NFASC: variants seen among roughly 807,000 people sequenced by gnomAD.
NFASC encodes neurofascin homolog.
A neutral mutation model predicts 147.5 loss-of-function variants in NFASC; 43 were observed. The observed-to-expected ratio is 0.29, with a 90% CI of 0.23 to 0.38. The LOEUF (loss-of-function observed/expected upper bound fraction) is 0.38, where lower values mean the gene tolerates loss of function less well. Among genes scored for constraint, NFASC ranks in the 10% least tolerant of loss-of-function variants. The pLI is 1.00. For synonymous variants in NFASC, 622 were observed against 665.5 expected, an observed-to-expected ratio of 0.93 and a Z score of 1.01; for missense variants, 1,320 against 1,689.0, an observed-to-expected ratio of 0.78 and a Z score of 3.83.
intron 1 of NFASC, among the ~76,000 whole-genome samples, chr1:204,916,950 C>T (rs1222681145): frequency 6.6e-6 from 1 of 152,142 alleles, no homozygotes; most frequent in Non-Finnish European, 1.5e-5. Flanking sequence ...GGCACGGTGG[C>T]ACATGCCTAT....
chr1:204,906,779 C>T (rs55891541), intron 1 of NFASC, among the ~76,000 whole-genome samples: 25,451 of 137,688 alleles, frequency 0.18, 2,360 homozygotes, highest in East Asian at 0.34. Flanking sequence ...GCCTCCCGGG[C>T]TCATGCCATT....
At position 204,997,300 on chromosome 1, in the gene NFASC, C is replaced by T. The variant is rs2802808; in HGVS notation, c.2913C>T (p.Ile971=). ...TCCCAACTGTCGCACCTACCACCATCGCCACCACCACCACCGTCGCCACAA... is the reference window on the plus strand; with the variant it reads ...TCCCAACTGTCGCACCTACCACCATTGCCACCACCACCACCGTCGCCACAA... The part of the protein sequence containing the change: ...PIIPTVAPTT[I]ATTTTVATTT... The change falls in exon 25 of 30, where the codon ATC becomes ATT. Residue 971 remains isoleucine, a synonymous_variant. Coordinates refer to ENST00000339876, the MANE Select transcript of NFASC (RefSeq NM_001005388.3). 2.8e-5 allele frequency: 45 copies of T among 1,602,514 alleles called. No homozygotes were observed. Among genetic ancestry groups the T allele is most frequent in the Middle Eastern group, 3.3e-4 (2 of 6,074 alleles).
intron 1 of NFASC, among the ~76,000 whole-genome samples, chr1:204,882,907 C>T (rs750678019): frequency 9.9e-5 from 15 of 152,138 alleles, no homozygotes; most frequent in African/African-American, 1.4e-4. Context: ...TATAGACGCC[C>T]GGGGTTCTCA....
intron 1 of NFASC, among the ~76,000 whole-genome samples, chr1:204,846,057 T>C (rs1275865372): frequency 6.6e-6 from 1 of 151,292 alleles, no homozygotes; most frequent in Admixed American, 6.6e-5. Context: ...TGACTTCTGA[T>C]TTAAAAATGG....
At chr1:204,875,482 G>A (rs1292853192) in intron 1 of NFASC, among the ~76,000 whole-genome samples, 1 of 152,200 alleles carries the variant, frequency 6.6e-6, no homozygotes, top group Non-Finnish European at 1.5e-5. Flanking sequence ...AGGGAATCTG[G>A]AGGTGCCTGA....
intron 2 of NFASC, among the ~76,000 whole-genome samples, chr1:204,929,103 T>TC (rs1158337323): frequency 6.6e-6 from 1 of 151,878 alleles, no homozygotes; most frequent in Non-Finnish European, 1.5e-5. Context: ...AAACCAGGTG[T>TC]CCCCCTCCAC....
chr1:204,927,905 G>C (rs1161001893), intron 2 of NFASC, among the ~76,000 whole-genome samples: 3 of 152,230 alleles, frequency 2.0e-5, no homozygotes, highest in Non-Finnish European at 1.5e-5. Context: ...GAGGGGAGCA[G>C]ACAGGGAGCC....
chr1:204,916,308 C>T (rs1031697591), intron 1 of NFASC, among the ~76,000 whole-genome samples: 1 of 152,204 alleles, frequency 6.6e-6, no homozygotes, highest in African/African-American at 2.4e-5. Flanking sequence ...CAGTCTATTT[C>T]CTGGATTCTA....
At chr1:204,890,345 A>G (rs2082132460) in intron 1 of NFASC, among the ~76,000 whole-genome samples, 1 of 152,196 alleles carries the variant, frequency 6.6e-6, no homozygotes, top group Non-Finnish European at 1.5e-5. Context: ...AGGGATCCAG[A>G]CGGCACTATG....
At chr1:204,944,471 G>T in intron 3 of NFASC, 65 bp downstream of exon 3, 7 of 881,750 alleles carry the variant, frequency 7.9e-6, no homozygotes, top group South Asian at 3.4e-5. Context: ...GGGAGGGGAG[G>T]GAAGGTCAGA....
chr1:205,002,579 A>G lies in NFASC; in HGVS notation c.3137-17A>G. 2 of 1,466,168 alleles carry G rather than the reference A, an allele frequency of 1.4e-6. No individual in the cohort carries two copies. The highest frequency in any genetic ancestry group is 1.4e-5 in the South Asian group (1 of 70,500). The allele number at this position is 1,466,168 out of a possible 1,614,324, so 90.8% of individuals were successfully genotyped here. ...CTGGTGCCTGGCTCTAGGCTGATTG[A>G]GGTTTCTGTTCCCCAGGCAACCATA... On this transcript the variant is annotated splice_polypyrimidine_tract_variant and intron_variant, in intron 26 of 29. Transcript: ENST00000339876.
intron 11 of NFASC, among the ~76,000 whole-genome samples, chr1:204,971,110 G>A (rs1241946559): frequency 6.6e-6 from 1 of 152,184 alleles, no homozygotes; most frequent in East Asian, 1.9e-4. Context: ...GATGGCTGGG[G>A]CTGGGAAGGT....
At chr1:204,866,569 C>T (rs2077126822) in intron 1 of NFASC, among the ~76,000 whole-genome samples, 1 of 152,212 alleles carries the variant, frequency 6.6e-6, no homozygotes, top group Non-Finnish European at 1.5e-5. Context: ...AACTCTCAGG[C>T]CTGTGCCTTA....
chr1:205,006,025 A>G (rs2096101101), intron 27 of NFASC, among the ~76,000 whole-genome samples: 1 of 152,232 alleles, frequency 6.6e-6, no homozygotes, highest in Non-Finnish European at 1.5e-5. Context: ...CAACTAGGCC[A>G]TTGACTAGGT....
intron 1 of NFASC, among the ~76,000 whole-genome samples, chr1:204,862,122 CTT>C (rs948709488): frequency 4.9e-4 from 74 of 152,312 alleles, no homozygotes; most frequent in African/African-American, 1.6e-3. Flanking sequence ...TAGGAATAGC[CTT>C]CAGAGTTCTT....
intron 1 of NFASC, among the ~76,000 whole-genome samples, chr1:204,896,686 C>A (rs903089418): frequency 1.3e-5 from 2 of 152,142 alleles, no homozygotes; most frequent in African/African-American, 4.8e-5. Context: ...ATTGTGGGAA[C>A]TATTTGTGGC....
At chr1:204,930,268 G>A (rs1366420490) in intron 2 of NFASC, among the ~76,000 whole-genome samples, 4 of 152,172 alleles carry the variant, frequency 2.6e-5, no homozygotes, top group African/African-American at 9.7e-5. Flanking sequence ...AGCAGGGGGA[G>A]ATTTGAGAAA....
rs2095650122 is a variant in NFASC, at chr1:204,987,988, G to A, written c.2593+448G>A. On this transcript the variant is annotated intron_variant, in intron 22 of 29. Transcript: ENST00000339876. This position sits in a 1 kb window ranked among gnomAD's most constrained non-coding sequence, Gnocchi z 4.4. Reference sequence around the variant, plus strand: ...CTGCATGTAGAGCTGCCCGGTGACTGTGGGGTGACCCGAATCAGGAGCCTG... The same window carrying A: ...CTGCATGTAGAGCTGCCCGGTGACTATGGGGTGACCCGAATCAGGAGCCTG... 6.6e-6 allele frequency among the ~76,000 whole-genome samples: 1 copy of A among 152,208 alleles called. No individual in the cohort carries two copies. The highest frequency in any genetic ancestry group is 6.5e-5 in the Admixed American group (1 of 15,284).
chr1:204,897,479 G>A (rs776696409), intron 1 of NFASC, among the ~76,000 whole-genome samples: 4 of 152,144 alleles, frequency 2.6e-5, no homozygotes, highest in Non-Finnish European at 5.9e-5. Flanking sequence ...GATGGGCTGA[G>A]AAATTTGCCC....
Sources: allele counts gnomAD v4.1 joint callset (sites outside exome capture counted in the v4.1 genomes callset), GRCh38; gene constraint gnomAD v4.1.1; non-coding constraint Gnocchi (gnomAD v3.1); transcripts MANE v1.5; gene names NCBI Gene and HGNC (gene_info 2026-07-23, HGNC 2026-07-21).